Variants in MECOM observed in about 807,000 individuals in gnomAD.
MECOM encodes the protein MDS1 and EVI1 complex locus.
In MECOM, 13 loss-of-function variants were observed where a neutral mutation model predicts 116.3. That is an observed-to-expected ratio of 0.11 (90% confidence interval 0.07 to 0.18). The LOEUF (loss-of-function observed/expected upper bound fraction) is 0.18, where lower values mean the gene tolerates loss of function less well. Ranked by LOEUF, MECOM falls within the 10% of genes least tolerant of loss-of-function variation. The probability of loss-of-function intolerance (pLI) is 1.00; values close to 1 mark genes in which losing one functional copy is unlikely to be tolerated. For synonymous variants in MECOM, 528 were observed against 535.2 expected (o/e 0.99, Z 0.19); for missense variants, 1,299 against 1,509.0 (o/e 0.86, Z 2.31).
chr3:169,378,510 AAAGAAAAGAAAGAAAG>A (rs1286245997), intron 2 of MECOM, among the ~76,000 whole-genome samples: 4 of 30,782 alleles, frequency 1.3e-4, no homozygotes, highest in Admixed American at 1.1e-3. Context: ...AGAAAGAAAG[AAAGAAAAGAAAGAAAG>A]AAAGAAAGAA....
At chr3:169,207,382 A>G (rs891151092) in intron 2 of MECOM, among the ~76,000 whole-genome samples, 1 of 152,212 alleles carries the variant, frequency 6.6e-6, no homozygotes, top group Admixed American at 6.5e-5. Flanking sequence ...GTTGAGGTTA[A>G]GCAGAGGATA....
chr3:169,240,006 T>C (rs933615318), intron 2 of MECOM, among the ~76,000 whole-genome samples: 2 of 152,226 alleles, frequency 1.3e-5, no homozygotes, highest in African/African-American at 4.8e-5. Context: ...ATTTCCTGTC[T>C]ACATTTTCAT....
chr3:169,641,665 T>C (rs1214491209), intron 1 of MECOM, among the ~76,000 whole-genome samples: 1 of 152,230 alleles, frequency 6.6e-6, no homozygotes, highest in Non-Finnish European at 1.5e-5. Flanking sequence ...ATGTATTAGC[T>C]CATTTGAACC....
At chr3:169,225,499 A>G (rs991761635) in intron 2 of MECOM, among the ~76,000 whole-genome samples, 1 of 152,198 alleles carries the variant, frequency 6.6e-6, no homozygotes, top group African/African-American at 2.4e-5. Flanking sequence ...CTTCTCTCAA[A>G]ACACCCTACA....
At chr3:169,331,835 T>C (rs1486608893) in intron 2 of MECOM, among the ~76,000 whole-genome samples, 1 of 152,068 alleles carries the variant, frequency 6.6e-6, no homozygotes, top group Non-Finnish European at 1.5e-5. Context: ...CACTAACACA[T>C]GTGGAATTCC....
intron 1 of MECOM, among the ~76,000 whole-genome samples, chr3:169,556,909 C>G (rs1418355331): frequency 6.6e-6 from 1 of 151,868 alleles, no homozygotes; most frequent in Non-Finnish European, 1.5e-5. Flanking sequence ...CCCGTAGAAT[C>G]TAAAAAATAA....
intron 1 of MECOM, chr3:169,477,148 T>TATATATATACAC (rs1400596819): frequency 2.4e-5 from 1 of 42,500 alleles, no homozygotes; most frequent in African/African-American, 1.1e-4. Flanking sequence ...TATATATATA[T>TATATATATACAC]ACACACACAC....
chr3:169,208,196 A>AAT (rs142454508), intron 2 of MECOM, among the ~76,000 whole-genome samples: 2,964 of 142,326 alleles, frequency 0.021, 116 homozygotes, highest in African/African-American at 0.072. Context: ...TCTAGTCAGC[A>AAT]ATATATATAT....
At chr3:169,316,215 G>A (rs929267575) in intron 2 of MECOM, among the ~76,000 whole-genome samples, 11 of 152,126 alleles carry the variant, frequency 7.2e-5, no homozygotes, top group Admixed American at 6.5e-4. Flanking sequence ...CTGTTCTTTC[G>A]ACAACTCAAA....
intron 2 of MECOM, among the ~76,000 whole-genome samples, chr3:169,192,807 C>A (rs1267065069): frequency 6.6e-6 from 1 of 151,994 alleles, no homozygotes; most frequent in Admixed American, 6.6e-5. Context: ...ATTATTGTTA[C>A]CTACATAGTT....
At chr3:169,367,387 T>A (rs1729370131) in intron 2 of MECOM, among the ~76,000 whole-genome samples, 1 of 151,718 alleles carries the variant, frequency 6.6e-6, no homozygotes. Context: ...TTGATGGACC[T>A]TAAACAATTT....
chr3:169,119,840 G>C (rs1320461552), intron 7 of MECOM, among the ~76,000 whole-genome samples: 1 of 152,132 alleles, frequency 6.6e-6, no homozygotes, highest in Non-Finnish European at 1.5e-5. Context: ...GGAGATGAGA[G>C]CACCCTTTTT....
At chr3:169,444,871 A>T (rs964047433) in intron 1 of MECOM, among the ~76,000 whole-genome samples, 1 of 152,162 alleles carries the variant, frequency 6.6e-6, no homozygotes, top group Non-Finnish European at 1.5e-5. Flanking sequence ...GAGATGAGGA[A>T]CTTGTTGGAA....
Position 169,116,072 on chromosome 3 carries a change from A to G in MECOM, c.1800T>C (p.Asp600=), listed in dbSNP as rs1729062914. ...GSDLETTSGS[D]LESDIESDKE... is the part of the protein sequence containing the mutation. ...TATCACTTTCAATGTCACTTTCCAG[A>G]TCAGAGCCCGAGGTTGTTTCCAGGT... The change falls in exon 8 of 17, where the codon GAT becomes GAC. Residue 600 remains aspartate (D), a synonymous_variant. Transcript: ENST00000651503. The G allele has an allele frequency of 6.2e-7, 1 of 1,613,998 alleles. No homozygotes were observed. Among genetic ancestry groups the G allele is most frequent in the African/African-American group, 1.3e-5 (1 of 74,896 alleles).
rs533777575 is a variant in MECOM, at chr3:169,388,264, C to T, written c.38-6740G>A. Among the ~76,000 whole-genome samples, 26 of 152,286 alleles carry T rather than the reference C, an allele frequency of 1.7e-4. No individual in the cohort carries two copies. The South Asian group carries it at 5.0e-3, about 29-fold the overall frequency. ...AATTAAAACTGGACATGCTCTTCTT[C>T]CCTTGTTAGGACAATTCCAGAGCAG... On this transcript the variant is annotated intron_variant, in intron 1 of 16. Coordinates refer to ENST00000651503, the MANE Select transcript of MECOM (RefSeq NM_004991.4).
At chr3:169,122,546 T>C (rs761054595) in intron 6 of MECOM, 34 bp downstream of exon 6, 8 of 1,612,766 alleles carry the variant, frequency 5.0e-6, no homozygotes, top group Admixed American at 1.7e-5. Flanking sequence ...CAGGATGACA[T>C]AGAGAGGCCA....
chr3:169,580,601 G>A (rs1765017116), intron 1 of MECOM, among the ~76,000 whole-genome samples: 1 of 152,178 alleles, frequency 6.6e-6, no homozygotes, highest in Admixed American at 6.5e-5. Context: ...ACATGCTTTT[G>A]TGTGATATCT....
In MECOM at chr3:169,411,443, C is replaced by T. The variant is rs144651177; in HGVS notation, c.38-29919G>A. 3.3e-5 allele frequency among the ~76,000 whole-genome samples: 5 copies of T among 152,286 alleles called. No homozygotes were observed. The East Asian group carries it at 7.7e-4, about 23-fold the overall frequency. On this transcript the variant is annotated intron_variant, in intron 1 of 16. Coordinates refer to ENST00000651503, the MANE Select transcript of MECOM (RefSeq NM_004991.4). ...GTAAAGAACATCAGTATATCATGGA[C>T]TCAGCTTGCAGGTTAAAACCCAAGG... is the stretch of plus-strand genomic sequence containing the variant.
At chr3:169,523,254 G>A (rs1757566878) in intron 1 of MECOM, among the ~76,000 whole-genome samples, 2 of 152,242 alleles carry the variant, frequency 1.3e-5, no homozygotes, top group South Asian at 2.1e-4. Context: ...AAAGGGTCTT[G>A]GGAAGTGCCT....
Sources: allele counts gnomAD v4.1 joint callset (sites outside exome capture counted in the v4.1 genomes callset), GRCh38; gene constraint gnomAD v4.1.1; transcripts MANE v1.5; gene names NCBI Gene and HGNC (gene_info 2026-07-23, HGNC 2026-07-21).